The following ZFHX4 variants were observed in gnomAD, a reference collection of about 807,000 sequenced individuals.
The protein encoded by ZFHX4 is zinc finger homeobox protein 4.
Under a neutral mutation model 267.6 loss-of-function variants are expected in ZFHX4, and 56 were observed. That is an observed-to-expected ratio of 0.21 (90% CI 0.17 to 0.26). The LOEUF (loss-of-function observed/expected upper bound fraction) is 0.26. Among genes scored for constraint, ZFHX4 ranks in the 10% least tolerant of loss-of-function variants. ZFHX4 has a pLI of 1.00. For synonymous variants in ZFHX4, 1,778 were observed against 1,665.6 expected (o/e 1.07, Z -1.64); for missense variants, 4,332 against 4,420.0 (o/e 0.98, Z 0.56).
rs147166162 is a variant in ZFHX4 at position 76,791,299 on chromosome 8, G to A, written c.3325+12860G>A. Among the ~76,000 whole-genome samples the A allele has an allele frequency of 2.0e-3, 298 of 152,188 alleles. 1 individual carries two copies. Among genetic ancestry groups the A allele is most frequent in the African/African-American group, 6.8e-3 (281 of 41,524 alleles). On this transcript the variant is annotated intron_variant, in intron 4 of 10. Coordinates refer to ENST00000651372, the MANE Select transcript of ZFHX4 (RefSeq NM_024721.5). The stretch of plus-strand genomic sequence containing the variant: ...ATTCTGGCCACTTTGGGTGTCTGTT[G>A]CATACCATCACAGCTTATATGGTGT...
chr8:76,730,647 C>T (rs1267455046), intron 3 of ZFHX4, among the ~76,000 whole-genome samples: 1 of 151,984 alleles, frequency 6.6e-6, no homozygotes, highest in East Asian at 1.9e-4. Flanking sequence ...TGCAGTGAGT[C>T]GAGATTGCAC....
In ZFHX4 at chr8:76,864,257, T is replaced by C; in HGVS notation, c.10543T>C (p.Tyr3515His). Residue 3515 changes from tyrosine to histidine, a missense_variant, in exon 11 of 11, where the codon TAT becomes CAT. Coordinates refer to ENST00000651372, the MANE Select transcript of ZFHX4 (RefSeq NM_024721.5). ...GTCTGCAGCTTCTTCTAATAACACC[T>C]ATCCTCATCTTTCTTGCTTCTCCAT... The part of the protein sequence containing the change: ...SQSAASSNNT[Y>H]PHLSCFSMKS... The C allele has an allele frequency of 3.7e-6, 6 of 1,613,920 alleles. No homozygotes were observed. The highest frequency in any genetic ancestry group is 4.2e-6 in the Non-Finnish European group (5 of 1,179,846).
Position 76,705,439 on chromosome 8 carries a change from A to G in ZFHX4, c.1351A>G (p.Ser451Gly). The G allele has an allele frequency of 2.5e-6, 4 of 1,613,828 alleles. No individual in the cohort carries two copies. Among genetic ancestry groups the G allele is most frequent in the South Asian group, 1.1e-5 (1 of 91,052 alleles). The change falls in exon 2 of 11, where the codon AGC becomes GGC. Residue 451 changes from serine (S) to glycine (G), a missense_variant. By Grantham distance (56) the Ser-to-Gly change is moderately conservative. Around this residue, in one of 7 missense-constraint regions of ZFHX4, gnomAD observed 1,195 missense variants for 1,173.6 expected, o/e 1.02. Coordinates refer to ENST00000651372, the MANE Select transcript of ZFHX4 (RefSeq NM_024721.5). ...QENNCERPKESNVLHPNGECP... is the reference protein window; with the variant it reads ...QENNCERPKEGNVLHPNGECP... Reference sequence around the variant, plus strand: ...GAACAACTGTGAAAGGCCAAAAGAAAGCAACGTTTTACACCCAAACGGGGA... The same window carrying G: ...GAACAACTGTGAAAGGCCAAAAGAAGGCAACGTTTTACACCCAAACGGGGA...
rs1027958350 is a variant in ZFHX4 at position 76,853,838 on chromosome 8, G to A, written c.6917G>A (p.Arg2306Gln). The A allele has an allele frequency of 1.9e-6, 3 of 1,613,772 alleles. No individual in the cohort carries two copies. Among genetic ancestry groups the A allele is most frequent in the Admixed American group, 1.7e-5 (1 of 59,998 alleles). Residue 2306 changes from arginine (R) to glutamine (Q), a missense_variant, in exon 10 of 11, where the codon CGA becomes CAA. Arg to Gln is a conservative substitution (Grantham distance 43). This residue lies in a region of ZFHX4 where 1,648 missense variants were observed against 1,625.0 expected (regional missense o/e 1.01). Transcript: ENST00000651372. ...KRELTNERYI[R>Q]TSNMQYQCKK... ...GAACTCACTAATGAACGGTACATTC[G>A]AACAAGCAACATGCAGTACCAGTGT...
intron 4 of ZFHX4, among the ~76,000 whole-genome samples, chr8:76,823,099 A>G (rs2131869423): frequency 6.7e-6 from 1 of 148,834 alleles, no homozygotes; most frequent in Non-Finnish European, 1.5e-5. Flanking sequence ...GACAGTTATA[A>G]TTTGAAGTGT....
chr8:76,833,990 T>C, intron 5 of ZFHX4: 1 of 257,176 alleles, frequency 3.9e-6, no homozygotes, highest in Non-Finnish European at 7.8e-6. Flanking sequence ...CAGTATGTAG[T>C]TTTTTTTAGA....
Position 76,856,058 on chromosome 8 carries a change from A to G in ZFHX4, c.9137A>G (p.Glu3046Gly). Reference protein sequence around the residue: ...RETVGSQLDREKDYLAPTTVR... With the variant: ...RETVGSQLDRGKDYLAPTTVR... ...ACCGTTGGCAGTCAGCTCGATCGGGAGAAAGATTACTTGGCTCCGACCACG... is the reference window on the plus strand; with the variant it reads ...ACCGTTGGCAGTCAGCTCGATCGGGGGAAAGATTACTTGGCTCCGACCACG... The change falls in exon 10 of 11, where the codon GAG becomes GGG. Residue 3046 changes from glutamate (E) to glycine (G), a missense_variant. Physicochemically the swap from Glu to Gly is moderately conservative, Grantham distance 98. Around this residue, in one of 7 missense-constraint regions of ZFHX4, gnomAD observed 1,648 missense variants for 1,625.0 expected, o/e 1.01. Transcript: ENST00000651372. 1.2e-6 allele frequency: 2 copies of G among 1,614,002 alleles called. No homozygotes were observed. The highest frequency in any genetic ancestry group is 1.7e-6 in the Non-Finnish European group (2 of 1,179,872).
At position 76,703,917 on chromosome 8, in the gene ZFHX4, T is replaced by G. The variant is rs1808170425; in HGVS notation, c.-46-126T>G. The G allele has an allele frequency of 2.5e-5, 17 of 692,712 alleles. No homozygotes were observed. The South Asian group carries it at 3.2e-4, about 13-fold the overall frequency. 42.9% of individuals were successfully genotyped at this position (692,712 alleles called of 1,614,324 possible). On this transcript the variant is annotated intron_variant, in intron 1 of 10. Coordinates refer to ENST00000651372, the MANE Select transcript of ZFHX4 (RefSeq NM_024721.5). ...GTCTGTGATAGATAGGCACGCCGGT[T>G]TTAAGTTTTTCCCCTTACCTTTTTA...
At chr8:76,747,395 A>G (rs1809486684) in intron 3 of ZFHX4, among the ~76,000 whole-genome samples, 1 of 152,122 alleles carries the variant, frequency 6.6e-6, no homozygotes, top group African/African-American at 2.4e-5. Flanking sequence ...ATGGTAACCA[A>G]TAAGTAGATT....
intron 3 of ZFHX4, among the ~76,000 whole-genome samples, chr8:76,773,903 A>G (rs1229745078): frequency 6.6e-6 from 1 of 152,180 alleles, no homozygotes; most frequent in African/African-American, 2.4e-5. Context: ...GAATAGTATA[A>G]TGACAAAAAA....
At chr8:76,787,556 C>A (rs1395249732) in intron 4 of ZFHX4, among the ~76,000 whole-genome samples, 3 of 150,912 alleles carry the variant, frequency 2.0e-5, no homozygotes, top group Non-Finnish European at 4.4e-5. Flanking sequence ...TAATCCCAGC[C>A]CTTTGGAAGG....
Position 76,863,442 on chromosome 8 carries a change from T to C in ZFHX4, c.9728T>C (p.Leu3243Ser). ...VGETHVDPIQLQALQNAIAGD... is the reference protein window; with the variant it reads ...VGETHVDPIQSQALQNAIAGD... ...GAAACACATGTCGATCCTATTCAGTTGCAGGCATTACAGAATGCAATTGCT... is the reference window on the plus strand; with the variant it reads ...GAAACACATGTCGATCCTATTCAGTCGCAGGCATTACAGAATGCAATTGCT... Residue 3243 changes from leucine to serine, a missense_variant, in exon 11 of 11, where the codon TTG becomes TCG. Coordinates refer to ENST00000651372, the MANE Select transcript of ZFHX4 (RefSeq NM_024721.5). 1 of 1,613,990 alleles carries C rather than the reference T, an allele frequency of 6.2e-7. No homozygotes were observed. The highest frequency in any genetic ancestry group is 8.5e-7 in the Non-Finnish European group (1 of 1,179,870).
Position 76,852,360 on chromosome 8 carries a change from A to T in ZFHX4, c.5439A>T (p.Gln1813His). Reference sequence around the variant, plus strand: ...CCACACAGCCCCAGCTGCAGCCTCAAAAACAACAGCAGCAGCCACCACCTC... The same window carrying T: ...CCACACAGCCCCAGCTGCAGCCTCATAAACAACAGCAGCAGCCACCACCTC... The part of the protein sequence containing the change: ...YQATQPQLQP[Q>H]KQQQQPPPPQ... The change falls in exon 10 of 11, where the codon CAA (glutamine) becomes CAT (histidine). Residue 1813 changes from glutamine (Q) to histidine (H), a missense_variant. Gln to His is a conservative substitution (Grantham distance 24). Transcript: ENST00000651372. 6.4e-7 allele frequency: 1 copy of T among 1,553,510 alleles called. No individual in the cohort carries two copies. The highest frequency in any genetic ancestry group is 1.4e-5 in the African/African-American group (1 of 73,206).
intron 4 of ZFHX4, among the ~76,000 whole-genome samples, chr8:76,814,476 T>C (rs780798612): frequency 6.6e-6 from 1 of 152,214 alleles, no homozygotes; most frequent in African/African-American, 2.4e-5. Context: ...TGGCTTCTTG[T>C]AATTGTCTAC....
chr8:76,857,267 A>T (rs890711101), intron 10 of ZFHX4, among the ~76,000 whole-genome samples: 13 of 151,462 alleles, frequency 8.6e-5, no homozygotes, highest in Non-Finnish European at 8.8e-5. Flanking sequence ...TAATTTAAGT[A>T]AGTTTTGTTT....
chr8:76,799,921 G>T (rs888596740), intron 4 of ZFHX4, among the ~76,000 whole-genome samples: 2 of 152,138 alleles, frequency 1.3e-5, no homozygotes, highest in Non-Finnish European at 2.9e-5. Context: ...ACGAAATTCC[G>T]AGTTTGGTGT....
At chr8:76,702,424 G>A (rs977407790) in intron 1 of ZFHX4, among the ~76,000 whole-genome samples, 1 of 152,144 alleles carries the variant, frequency 6.6e-6, no homozygotes, top group African/African-American at 2.4e-5. Flanking sequence ...GTATTAATAA[G>A]CTATTCTTTA....
At position 76,705,537 on chromosome 8, in the gene ZFHX4, T is replaced by C. The variant is rs777395559; in HGVS notation, c.1449T>C (p.Asp483=). Residue 483 remains aspartate, a synonymous_variant, in exon 2 of 11, where the codon GAT becomes GAC. Transcript: ENST00000651372. ...DEEDAYSNEL[D]DEEVLGELTD... ...AAGATGCGTACTCCAATGAACTTGA[T>C]GACGAGGAAGTATTAGGTGAACTCA... 3 of 1,613,624 alleles carry C rather than the reference T, an allele frequency of 1.9e-6. No individual in the cohort carries two copies. The highest frequency in any genetic ancestry group is 1.7e-5 in the Admixed American group (1 of 59,944).
In ZFHX4 at chr8:76,866,163, CA is replaced by C. The variant is rs1349439375; in HGVS notation, c.*1601del. ...TGTAAGAAAGTTAAAGGCTTGTGAACAAAGAAAGCTAAGCTGTTGTACATAT... is the reference window on the plus strand; with the variant it reads ...TGTAAGAAAGTTAAAGGCTTGTGAACAAGAAAGCTAAGCTGTTGTACATAT... On this transcript the variant is annotated 3_prime_UTR_variant, in exon 11 of 11. Transcript: ENST00000651372. 3.3e-5 allele frequency: 5 copies of C among 152,652 alleles called. No homozygotes were observed. In the East Asian group the frequency reaches 9.7e-4, roughly 30 times the overall value. The allele number at this position is 152,652 out of a possible 1,614,324, so 9.5% of individuals were successfully genotyped here.
Sources: gnomAD v4.1 joint callset for allele counts (sites outside exome capture counted in the v4.1 genomes callset) on GRCh38, gnomAD v4.1.1 for gene constraint, gnomAD v4.1.1 regional missense constraint, MANE v1.5 for transcripts, NCBI Gene and HGNC (gene_info 2026-07-23, HGNC 2026-07-21) for gene names.